CSMD1: variants seen among roughly 807,000 people sequenced by gnomAD.
CSMD1 encodes CUB and Sushi multiple domains 1, also known as CUB and sushi domain-containing protein 1.
A neutral mutation model predicts 417.5 loss-of-function variants in CSMD1; 213 were observed. The observed-to-expected ratio is 0.51, with a 90% CI of 0.46 to 0.57. The LOEUF (loss-of-function observed/expected upper bound fraction) is 0.57, where lower values mean the gene tolerates loss of function less well. Ranked by LOEUF, CSMD1 falls within the 20% of genes least tolerant of loss-of-function variation. CSMD1 has a pLI of 0.00. For synonymous variants in CSMD1, 2,862 were observed against 1,736.8 expected (o/e 1.65, Z -16.11); for missense variants, 6,923 against 4,529.7 (o/e 1.53, Z -15.17).
At chr8:3,574,053 A>C (rs1355357210) in intron 10 of CSMD1, among the ~76,000 whole-genome samples, 1 of 152,200 alleles carries the variant, frequency 6.6e-6, no homozygotes, top group Non-Finnish European at 1.5e-5. Flanking sequence ...ACATAATTGC[A>C]AACTATGTAT....
At chr8:4,348,175 G>T (rs1800883002) in intron 3 of CSMD1, among the ~76,000 whole-genome samples, 1 of 152,132 alleles carries the variant, frequency 6.6e-6, no homozygotes, top group Admixed American at 6.6e-5. Context: ...TACTGCATAT[G>T]ATCTCTGGAT....
chr8:3,286,641 G>C (rs1359743276), intron 25 of CSMD1, among the ~76,000 whole-genome samples: 1 of 148,066 alleles, frequency 6.8e-6, no homozygotes, highest in African/African-American at 2.4e-5. Flanking sequence ...AGAAGTGTCT[G>C]TTCATATCCT....
At chr8:3,619,363 A>T (rs1802305604) in intron 7 of CSMD1, among the ~76,000 whole-genome samples, 1 of 138,866 alleles carries the variant, frequency 7.2e-6, no homozygotes, top group African/African-American at 2.6e-5. Context: ...ACGGTAGTTA[A>T]TTTTTTTCAA....
In CSMD1 at chr8:4,036,447, G is replaced by A. The variant is rs371251166; in HGVS notation, c.416-4348C>T. Among the ~76,000 whole-genome samples, 27 of 152,258 alleles carry A rather than the reference G, an allele frequency of 1.8e-4. 1 individual carries two copies. Among genetic ancestry groups the A allele is most frequent in the Admixed American group, 9.8e-4 (15 of 15,292 alleles). On this transcript the variant is annotated intron_variant, in intron 3 of 69. Coordinates refer to ENST00000635120, the MANE Select transcript of CSMD1 (RefSeq NM_033225.6). ...AAGGAAAAATATCATTAATGAATATGAGTCTCCCCAAGAAGGTGTCTGAAA... is the reference window on the plus strand; with the variant it reads ...AAGGAAAAATATCATTAATGAATATAAGTCTCCCCAAGAAGGTGTCTGAAA...
chr8:3,110,147 G>A lies in CSMD1; in HGVS notation c.6608+11C>T, dbSNP rs1359965473. ...CAATTACAGATATTTTGACTTGAGA[G>A]GTTCTCATACCAAACAGCAATGTAA... On this transcript the variant is annotated intron_variant, in intron 43 of 69. Transcript: ENST00000635120. The A allele has an allele frequency of 6.3e-6, 10 of 1,586,232 alleles. No individual in the cohort carries two copies. Among genetic ancestry groups the A allele is most frequent in the Admixed American group, 1.8e-5 (1 of 56,390 alleles).
chr8:3,576,420 C>T (rs1253452930), intron 9 of CSMD1, among the ~76,000 whole-genome samples: 2 of 152,130 alleles, frequency 1.3e-5, no homozygotes, highest in South Asian at 2.1e-4. Context: ...CCTCTTTCTG[C>T]ATTTACCTGT....
chr8:4,024,748 T>C (rs2130527961), intron 4 of CSMD1, among the ~76,000 whole-genome samples: 1 of 152,308 alleles, frequency 6.6e-6, no homozygotes, highest in South Asian at 2.1e-4. Flanking sequence ...TGCAGGCCGC[T>C]CTGTGAAGTA....
At chr8:3,931,982 G>C (rs534227857) in intron 5 of CSMD1, among the ~76,000 whole-genome samples, 9 of 149,560 alleles carry the variant, frequency 6.0e-5, no homozygotes, top group Admixed American at 4.0e-4. Flanking sequence ...AAATAGTATT[G>C]ATTTAGATGT....
intron 7 of CSMD1, among the ~76,000 whole-genome samples, chr8:3,674,909 T>C (rs1488380471): frequency 6.6e-6 from 1 of 152,160 alleles, no homozygotes; most frequent in Non-Finnish European, 1.5e-5. Flanking sequence ...TCCTGGAAGA[T>C]AATGAACTTA....
At chr8:4,889,517 T>G (rs916729417) in intron 1 of CSMD1, among the ~76,000 whole-genome samples, 15 of 152,098 alleles carry the variant, frequency 9.9e-5, no homozygotes, top group African/African-American at 3.6e-4. Context: ...TGTTTATCAT[T>G]ACAGGAAGTT....
At chr8:3,804,879 G>C (rs1314369036) in intron 5 of CSMD1, among the ~76,000 whole-genome samples, 1 of 152,120 alleles carries the variant, frequency 6.6e-6, no homozygotes, top group Non-Finnish European at 1.5e-5. Context: ...TTATAAAAAA[G>C]TAGCATGGAT....
At chr8:3,941,724 TA>T (rs1810897215) in intron 5 of CSMD1, among the ~76,000 whole-genome samples, 1 of 152,212 alleles carries the variant, frequency 6.6e-6, no homozygotes, top group Non-Finnish European at 1.5e-5. Context: ...ATTTATTTTT[TA>T]ACTACAGAGC....
intron 3 of CSMD1, among the ~76,000 whole-genome samples, chr8:4,223,918 G>A (rs957904782): frequency 7.9e-5 from 12 of 152,112 alleles, no homozygotes; most frequent in Non-Finnish European, 1.6e-4. Flanking sequence ...TCTTCCAGAC[G>A]GTTAATAACA....
intron 1 of CSMD1, among the ~76,000 whole-genome samples, chr8:4,796,501 G>A (rs1171467659): frequency 1.3e-5 from 2 of 151,896 alleles, no homozygotes; most frequent in African/African-American, 2.4e-5. Context: ...ACCGAGAATG[G>A]TCTTTCTCAA....
rs184507018 is a variant in CSMD1, at chr8:4,455,788, G to T, written c.303-35723C>A. On this transcript the variant is annotated intron_variant, in intron 2 of 69. Transcript: ENST00000635120. Reference sequence around the variant, plus strand: ...TCTACTAAAAATACAAAAATTCGCTGGATGTGGTGGCATGTGCCTGGAATC... The same window carrying T: ...TCTACTAAAAATACAAAAATTCGCTTGATGTGGTGGCATGTGCCTGGAATC... Among the ~76,000 whole-genome samples, 77 of 151,262 alleles carry T rather than the reference G, an allele frequency of 5.1e-4. No individual in the cohort carries two copies. In the East Asian group the frequency reaches 8.8e-3, roughly 17 times the overall value.
intron 3 of CSMD1, among the ~76,000 whole-genome samples, chr8:4,284,792 C>A (rs1204212378): frequency 1.3e-5 from 2 of 152,074 alleles, no homozygotes; most frequent in African/African-American, 4.8e-5. Flanking sequence ...AAAAACCACA[C>A]ATATTTTACA....
At chr8:3,993,439 C>A (rs1465400858) in intron 5 of CSMD1, among the ~76,000 whole-genome samples, 1 of 152,132 alleles carries the variant, frequency 6.6e-6, no homozygotes, top group Non-Finnish European at 1.5e-5. Flanking sequence ...ATTAACTGAC[C>A]CATTCAAGCG....
At chr8:4,069,714 AC>A (rs1172825610) in intron 3 of CSMD1, among the ~76,000 whole-genome samples, 1 of 151,844 alleles carries the variant, frequency 6.6e-6, no homozygotes, top group East Asian at 1.9e-4. Context: ...TCTTTCTCCC[AC>A]TAAACTCTAG....
At chr8:4,887,532 C>G (rs1042302700) in intron 1 of CSMD1, among the ~76,000 whole-genome samples, 1 of 151,806 alleles carries the variant, frequency 6.6e-6, no homozygotes, top group Non-Finnish European at 1.5e-5. Flanking sequence ...TTATTTTTTA[C>G]ATAGTTTTTT....
Sources: allele counts gnomAD v4.1 joint callset (sites outside exome capture counted in the v4.1 genomes callset), GRCh38; gene constraint gnomAD v4.1.1; transcripts MANE v1.5; gene names NCBI Gene and HGNC (gene_info 2026-07-23, HGNC 2026-07-21).